NSMCE2: variants seen among roughly 807,000 people sequenced by gnomAD.
The protein encoded by NSMCE2 is NSE2 SUMO ligase component of SMC5/6 complex.
Under a neutral mutation model 23.8 loss-of-function variants are expected in NSMCE2, and 24 were observed. The observed-to-expected ratio is 1.01, with a 90% CI of 0.73 to 1.42. NSMCE2 has a LOEUF of 1.42. Among genes scored for constraint, NSMCE2 ranks in the 40% most tolerant of loss-of-function variants. The pLI, the probability that NSMCE2 is intolerant of heterozygous loss-of-function variation, is 0.00. For synonymous variants in NSMCE2, 92 were observed against 94.1 expected (o/e 0.98, Z 0.13); for missense variants, 284 against 296.5 (o/e 0.96, Z 0.31).
At chr8:125,267,868 A>G (rs1827003249) in intron 5 of NSMCE2, among the ~76,000 whole-genome samples, 1 of 152,142 alleles carries the variant, frequency 6.6e-6, no homozygotes, top group Admixed American at 6.5e-5. Context: ...CATTTTTCAA[A>G]AAGTTTAATC....
Position 125,165,745 on chromosome 8 carries a change from A to G in NSMCE2, c.264+14468A>G, listed in dbSNP as rs752380320. ...TTTTGTTTATTGTTCTAATTTTTCT[A>G]TAATACAGCAGTTTTTTGATTAGAC... On this transcript the variant is annotated intron_variant, in intron 4 of 7. Transcript: ENST00000287437. Among the ~76,000 whole-genome samples the G allele has an allele frequency of 2.4e-4, 37 of 152,220 alleles. 1 individual carries two copies. The highest frequency in any genetic ancestry group is 6.5e-5 in the Admixed American group (1 of 15,278).
At chr8:125,114,873 G>T (rs1009949390) in intron 3 of NSMCE2, among the ~76,000 whole-genome samples, 1 of 152,138 alleles carries the variant, frequency 6.6e-6, no homozygotes, top group African/African-American at 2.4e-5. Context: ...CAATACTAAG[G>T]GTTCTTTAGG....
At chr8:125,345,870 G>C (rs534356819) in intron 5 of NSMCE2, among the ~76,000 whole-genome samples, 1 of 152,282 alleles carries the variant, frequency 6.6e-6, no homozygotes, top group East Asian at 1.9e-4. Context: ...AGAAGGCCAT[G>C]GTCAGCCAGG....
chr8:125,169,612 C>T (rs1822068890), intron 4 of NSMCE2, among the ~76,000 whole-genome samples: 1 of 152,168 alleles, frequency 6.6e-6, no homozygotes. Context: ...AATTCACCTA[C>T]CTCCATTCCC....
intron 3 of NSMCE2, among the ~76,000 whole-genome samples, chr8:125,116,039 C>T (rs1818992116): frequency 6.6e-6 from 1 of 152,174 alleles, no homozygotes; most frequent in African/African-American, 2.4e-5. Context: ...CCAGTTTGCC[C>T]AACTCCAGCC....
intron 5 of NSMCE2, among the ~76,000 whole-genome samples, chr8:125,265,986 C>T (rs1207820051): frequency 6.6e-6 from 1 of 152,052 alleles, no homozygotes; most frequent in Non-Finnish European, 1.5e-5. Flanking sequence ...CTCAAGGGCA[C>T]ACTTCAAAAT....
chr8:125,338,039 G>C (rs1052548212), intron 5 of NSMCE2, among the ~76,000 whole-genome samples: 1 of 152,124 alleles, frequency 6.6e-6, no homozygotes, highest in African/African-American at 2.4e-5. Flanking sequence ...ATTTAAAGCT[G>C]GAATGGATTT....
intron 5 of NSMCE2, among the ~76,000 whole-genome samples, chr8:125,301,741 C>T (rs897264440): frequency 1.3e-5 from 2 of 149,700 alleles, no homozygotes; most frequent in African/African-American, 2.5e-5. Context: ...CGGCTCACTA[C>T]AACCTCCGCT....
At chr8:125,335,281 T>A (rs1830032606) in intron 5 of NSMCE2, among the ~76,000 whole-genome samples, 1 of 152,204 alleles carries the variant, frequency 6.6e-6, no homozygotes, top group Non-Finnish European at 1.5e-5. Context: ...ACAGCGATTA[T>A]GTGCCAAGCC....
intron 3 of NSMCE2, among the ~76,000 whole-genome samples, chr8:125,139,170 G>C (rs564686575): frequency 7.2e-5 from 11 of 152,260 alleles, no homozygotes; most frequent in South Asian, 2.1e-4. Flanking sequence ...AGTTATATCA[G>C]GGCTTTTTAG....
At chr8:125,189,422 T>G (rs1278749039) in intron 5 of NSMCE2, among the ~76,000 whole-genome samples, 1 of 152,210 alleles carries the variant, frequency 6.6e-6, no homozygotes, top group Non-Finnish European at 1.5e-5. Context: ...AGGAAGTTGC[T>G]TATGAAAGGT....
chr8:125,139,001 G>T (rs1180951234), intron 3 of NSMCE2, among the ~76,000 whole-genome samples: 1 of 152,180 alleles, frequency 6.6e-6, no homozygotes, highest in Non-Finnish European at 1.5e-5. Flanking sequence ...ATAAGTTAAT[G>T]TGTGTGAATG....
intron 5 of NSMCE2, among the ~76,000 whole-genome samples, chr8:125,239,613 A>C (rs1162965886): frequency 6.6e-6 from 1 of 151,726 alleles, no homozygotes; most frequent in Non-Finnish European, 1.5e-5. Flanking sequence ...TGTCTCAAAA[A>C]AAAAAAAAAA....
At chr8:125,115,290 A>G (rs935815214) in intron 3 of NSMCE2, among the ~76,000 whole-genome samples, 2 of 152,224 alleles carry the variant, frequency 1.3e-5, no homozygotes, top group East Asian at 3.8e-4. Flanking sequence ...CCCCCTGGGC[A>G]TATCTGACAT....
chr8:125,311,359 T>C (rs1419203647), intron 5 of NSMCE2, among the ~76,000 whole-genome samples: 1 of 152,230 alleles, frequency 6.6e-6, no homozygotes, highest in Non-Finnish European at 1.5e-5. Flanking sequence ...ATGCGTAAAT[T>C]GTATAGTTTC....
At chr8:125,204,234 C>A (rs1203905018) in intron 5 of NSMCE2, among the ~76,000 whole-genome samples, 2 of 152,062 alleles carry the variant, frequency 1.3e-5, no homozygotes, top group South Asian at 4.1e-4. Flanking sequence ...GCCCTTTTTG[C>A]GAAGGTTACC....
chr8:125,349,456 G>A (rs1812937890), intron 5 of NSMCE2, among the ~76,000 whole-genome samples: 1 of 152,046 alleles, frequency 6.6e-6, no homozygotes, highest in African/African-American at 2.4e-5. Context: ...TTAGGAAAAT[G>A]TTCAGGCTTA....
intron 5 of NSMCE2, among the ~76,000 whole-genome samples, chr8:125,223,897 C>T (rs1824983115): frequency 6.6e-6 from 1 of 150,812 alleles, no homozygotes; most frequent in Admixed American, 6.6e-5. Flanking sequence ...ACTATGCAGC[C>T]TTGATGCAGA....
intron 5 of NSMCE2, among the ~76,000 whole-genome samples, chr8:125,292,676 G>A (rs529350986): frequency 6.6e-6 from 1 of 152,308 alleles, no homozygotes; most frequent in South Asian, 2.1e-4. Context: ...CTCTCCAAAA[G>A]CTTCTTACCA....
Sources: gnomAD v4.1 joint callset for allele counts (sites outside exome capture counted in the v4.1 genomes callset) on GRCh38, gnomAD v4.1.1 for gene constraint, MANE v1.5 for transcripts, NCBI Gene and HGNC (gene_info 2026-07-23, HGNC 2026-07-21) for gene names.